The following MYCBP2 variants were observed in gnomAD, a reference collection of about 807,000 sequenced individuals.
MYCBP2 encodes the protein MYC binding protein 2, also known as E3 ubiquitin-protein ligase MYCBP2.
MYCBP2 carries 120 observed loss-of-function variants against 525.3 expected under a neutral mutation model. The ratio of observed to expected loss-of-function variants is 0.23; its 90% CI spans 0.20 to 0.27. The LOEUF (loss-of-function observed/expected upper bound fraction) is 0.27. MYCBP2 is among the 10% of genes least tolerant of loss of function. The pLI, the probability that MYCBP2 is intolerant of heterozygous loss-of-function variation, is 1.00. For missense variants in MYCBP2, 4,149 were observed against 5,657.1 expected (o/e 0.73, Z 8.55); for synonymous variants, 1,894 against 1,955.8 (o/e 0.97, Z 0.83).
intron 6 of MYCBP2, 48 bp downstream of exon 6, chr13:77,270,248 T>C (rs41300580): frequency 8.9e-4 from 1,382 of 1,549,066 alleles, no homozygotes; most frequent in Non-Finnish European, 1.1e-3. Flanking sequence ...CACAATTCAT[T>C]ATGGTTATAA....
chr13:77,066,426 C>G (rs1358800778), intron 71 of MYCBP2, among the ~76,000 whole-genome samples: 1 of 152,178 alleles, frequency 6.6e-6, no homozygotes, highest in Admixed American at 6.5e-5. Context: ...TCACTAAGCA[C>G]ACTACTATTT....
intron 4 of MYCBP2, among the ~76,000 whole-genome samples, chr13:77,274,431 G>C (rs1014693377): frequency 1.3e-5 from 2 of 152,084 alleles, no homozygotes; most frequent in African/African-American, 4.8e-5. Context: ...TAATCAGATG[G>C]AGAGGGAAAA....
intron 68 of MYCBP2, chr13:77,075,997 T>G (rs984881696): frequency 3.3e-5 from 5 of 152,360 alleles, no homozygotes; most frequent in Admixed American, 2.0e-4. Context: ...GCCAAGGTGA[T>G]TATTTGTAGC....
At chr13:77,301,381 C>CCACT (rs1460465773) in intron 1 of MYCBP2, among the ~76,000 whole-genome samples, 4 of 143,976 alleles carry the variant, frequency 2.8e-5, no homozygotes, top group Non-Finnish European at 6.0e-5. Flanking sequence ...CAAGATCGCG[C>CCACT]CACTGCACTC....
At position 77,081,812 on chromosome 13, in the gene MYCBP2, C is replaced by T. The variant is rs2043353604; in HGVS notation, c.11193+25G>A. 6.2e-7 allele frequency: 1 copy of T among 1,600,274 alleles called. No homozygotes were observed. Among genetic ancestry groups the T allele is most frequent in the East Asian group, 2.2e-5 (1 of 44,742 alleles). ...ATGTATTATTAACTAACAGGACAAC[C>T]AGGATAATAACTGAAATGACTGACC... On this transcript the variant is annotated intron_variant, in intron 64 of 82. Coordinates refer to ENST00000544440, the MANE Select transcript of MYCBP2 (RefSeq NM_015057.5). This position sits in a 1 kb window ranked among gnomAD's most constrained non-coding sequence, Gnocchi z 4.6.
At chr13:77,181,223 C>T (rs1166544795) in intron 33 of MYCBP2, among the ~76,000 whole-genome samples, 1 of 152,074 alleles carries the variant, frequency 6.6e-6, no homozygotes, top group Non-Finnish European at 1.5e-5. Context: ...TAGCTGATTT[C>T]CAGCATGAAA....
intron 69 of MYCBP2, 129 bp downstream of exon 69, chr13:77,070,502 G>A (rs2041006859): frequency 1.8e-6 from 1 of 540,814 alleles, no homozygotes; most frequent in Non-Finnish European, 3.2e-6. Flanking sequence ...CTTCAAATAT[G>A]GCCCAGGGAA....
intron 23 of MYCBP2, among the ~76,000 whole-genome samples, chr13:77,210,213 T>C (rs1176594565): frequency 6.6e-6 from 1 of 151,536 alleles, no homozygotes; most frequent in East Asian, 1.9e-4. Context: ...CTTTTTTTTT[T>C]TTTTTGAGAC....
chr13:77,180,028 T>C, intron 34 of MYCBP2, 99 bp downstream of exon 34: 1 of 929,670 alleles, frequency 1.1e-6, no homozygotes, highest in Non-Finnish European at 1.6e-6. Flanking sequence ...TAATCCAATC[T>C]GAAATTAGCT....
At chr13:77,235,304 G>A (rs1424662532) in intron 17 of MYCBP2, among the ~76,000 whole-genome samples, 4 of 152,012 alleles carry the variant, frequency 2.6e-5, no homozygotes, top group Non-Finnish European at 4.4e-5. Context: ...AGGACAATCA[G>A]CAAGGTTTCA....
chr13:77,269,724 T>C (rs188560720), intron 7 of MYCBP2, among the ~76,000 whole-genome samples: 5 of 152,256 alleles, frequency 3.3e-5, no homozygotes, highest in East Asian at 3.9e-4. Flanking sequence ...TTTAATCCCA[T>C]ATTAAAGCTA....
intron 68 of MYCBP2, among the ~76,000 whole-genome samples, chr13:77,072,847 A>T (rs1227442693): frequency 1.3e-5 from 2 of 152,192 alleles, no homozygotes; most frequent in Admixed American, 6.5e-5. Flanking sequence ...CAGCTCTGTT[A>T]TCTATTAAAG....
rs552128555 is a variant in MYCBP2, at chr13:77,205,181, AAAT to A, written c.3843+72_3843+74del. ...TTAAAAAGGAAAAAAATTAGACATT[AAAT>A]AATAAAATAATAAATTAAGTCAAAA... On this transcript the variant is annotated intron_variant, in intron 26 of 82. Coordinates refer to ENST00000544440, the MANE Select transcript of MYCBP2 (RefSeq NM_015057.5). 2.3e-4 allele frequency: 291 copies of A among 1,291,120 alleles called. 2 individuals carry two copies. The African/African-American group carries it at 3.9e-3, about 17-fold the overall frequency. 80.0% of individuals were successfully genotyped at this position (1,291,120 alleles called of 1,614,324 possible).
intron 4 of MYCBP2, among the ~76,000 whole-genome samples, chr13:77,275,324 C>T (rs2075404268): frequency 6.6e-6 from 1 of 152,184 alleles, no homozygotes; most frequent in Non-Finnish European, 1.5e-5. Context: ...TCTGCATGTC[C>T]CTGCCTCCTT....
chr13:77,086,806 G>A (rs567424467), intron 62 of MYCBP2, among the ~76,000 whole-genome samples: 21 of 151,712 alleles, frequency 1.4e-4, no homozygotes, highest in Admixed American at 1.2e-3. Flanking sequence ...CTTATATTTA[G>A]CCAATTTTTT....
At position 77,180,469 on chromosome 13, in the gene MYCBP2, C is replaced by CT. The variant is rs1255731534; in HGVS notation, c.4942-152dup. ...ATCTTTCTGGTTATATGTGGAGCCA[C>CT]TTTTCACTTAGAAGTTCTTTTTTGA... On this transcript the variant is annotated intron_variant, in intron 33 of 82. Coordinates refer to ENST00000544440, the MANE Select transcript of MYCBP2 (RefSeq NM_015057.5). 9.4e-6 allele frequency: 6 copies of CT among 638,190 alleles called. No individual in the cohort carries two copies. In the African/African-American group the frequency reaches 1.1e-4, roughly 12 times the overall value. The allele number at this position is 638,190 out of a possible 1,614,324, so 39.5% of individuals were successfully genotyped here.
intron 15 of MYCBP2, among the ~76,000 whole-genome samples, chr13:77,245,205 C>T (rs1463302635): frequency 2.0e-5 from 3 of 152,100 alleles, no homozygotes; most frequent in African/African-American, 7.2e-5. Flanking sequence ...GGTAATTCCT[C>T]AAGGATCTAG....
intron 1 of MYCBP2, among the ~76,000 whole-genome samples, chr13:77,310,751 C>T (rs985277065): frequency 6.7e-6 from 1 of 149,242 alleles, no homozygotes; most frequent in African/African-American, 2.4e-5. Context: ...GCAGGATACA[C>T]ACACACAGAG....
chr13:77,082,945 A>G, intron 63 of MYCBP2, 87 bp downstream of exon 63: 1 of 1,325,842 alleles, frequency 7.5e-7, no homozygotes, highest in African/African-American at 1.5e-5. Flanking sequence ...TACTATTTAA[A>G]GAGCTTTTTT....
Sources: gnomAD v4.1 joint callset for allele counts (sites outside exome capture counted in the v4.1 genomes callset) on GRCh38, gnomAD v4.1.1 for gene constraint, Gnocchi (gnomAD v3.1) non-coding constraint, MANE v1.5 for transcripts, NCBI Gene and HGNC (gene_info 2026-07-23, HGNC 2026-07-21) for gene names.